Variants in MED27 observed in about 807,000 individuals in gnomAD.
MED27 encodes mediator of RNA polymerase II transcription subunit 27.
Under a neutral mutation model 38.2 loss-of-function variants are expected in MED27, and 30 were observed. The observed-to-expected ratio is 0.79, with a 90% CI of 0.59 to 1.07. The LOEUF (loss-of-function observed/expected upper bound fraction) is 1.07, where lower values mean the gene tolerates loss of function less well. MED27 is among the 50% of genes least tolerant of loss of function. The pLI is 0.00. For synonymous variants in MED27, 122 were observed against 153.5 expected (o/e 0.79, Z 1.52); for missense variants, 289 against 397.5 (o/e 0.73, Z 2.32).
intron 2 of MED27, among the ~76,000 whole-genome samples, chr9:132,059,466 A>G (rs937524631): frequency 8.5e-5 from 13 of 152,374 alleles, no homozygotes; most frequent in Admixed American, 8.5e-4. Context: ...TTCTCCTAAG[A>G]CCAACCTGCC....
chr9:132,024,970 A>C (rs1239155211), intron 2 of MED27, among the ~76,000 whole-genome samples: 1 of 152,078 alleles, frequency 6.6e-6, no homozygotes, highest in East Asian at 1.9e-4. Flanking sequence ...ACAGCACTCT[A>C]TTTCTGTCGG....
Position 131,860,579 on chromosome 9 carries a change from A to T in MED27, c.895T>A (p.Phe299Ile). 1 of 1,593,310 alleles carries T rather than the reference A, an allele frequency of 6.3e-7. No individual in the cohort carries two copies. Among genetic ancestry groups the T allele is most frequent in the Non-Finnish European group, 8.5e-7 (1 of 1,169,968 alleles). ...QDGLPPTWRD[F>I]RTLEAFHDTC... ...TCATGGAAGGCTTCGAGGGTTCGGA[A>T]ATCCCTCCATGTCGGGGGAAGGCCG... is the stretch of plus-strand genomic sequence containing the variant. The change falls in exon 8 of 8, where the codon TTC (phenylalanine) becomes ATC (isoleucine). Residue 299 changes from phenylalanine to isoleucine, a missense_variant. Physicochemically the swap from Phe to Ile is conservative, Grantham distance 21 (BLOSUM62 0). Transcript: ENST00000292035. The surrounding 1 kb of genome is among the most constrained non-coding windows in gnomAD (Gnocchi z 5.8).
At chr9:131,877,352 G>A (rs1838954697) in intron 6 of MED27, among the ~76,000 whole-genome samples, 1 of 152,136 alleles carries the variant, frequency 6.6e-6, no homozygotes, top group African/African-American at 2.4e-5. Context: ...GATCATTTGA[G>A]GTCAGGAGTT....
At chr9:132,047,907 T>C (rs1192331594) in intron 2 of MED27, among the ~76,000 whole-genome samples, 1 of 151,498 alleles carries the variant, frequency 6.6e-6, no homozygotes, top group Non-Finnish European at 1.5e-5. Flanking sequence ...TAGAAGGAGG[T>C]ATAAAAATGC....
intron 3 of MED27, among the ~76,000 whole-genome samples, chr9:131,991,984 G>T (rs1456300344): frequency 6.6e-6 from 1 of 152,138 alleles, no homozygotes; most frequent in Non-Finnish European, 1.5e-5. Context: ...GCCTCCCAAA[G>T]TGCTGGGATT....
At chr9:132,052,757 G>A (rs1312668830) in intron 2 of MED27, among the ~76,000 whole-genome samples, 1 of 150,528 alleles carries the variant, frequency 6.6e-6, no homozygotes, top group Non-Finnish European at 1.5e-5. Flanking sequence ...TAACAAGTGA[G>A]AGCATGCAGT....
At chr9:131,941,220 T>C (rs776222683) in intron 3 of MED27, among the ~76,000 whole-genome samples, 8 of 152,216 alleles carry the variant, frequency 5.3e-5, no homozygotes, top group Non-Finnish European at 1.2e-4. Flanking sequence ...GGATTTTACA[T>C]TGGATTTCAT....
chr9:131,979,067 CACAAGCTTGT>C (rs1831675347), intron 3 of MED27, among the ~76,000 whole-genome samples: 1 of 152,158 alleles, frequency 6.6e-6, no homozygotes, highest in South Asian at 2.1e-4. Flanking sequence ...CAATTTGGTG[CACAAGCTTGT>C]ACAGGCAAGT....
intron 2 of MED27, among the ~76,000 whole-genome samples, chr9:132,050,633 C>T (rs1833444552): frequency 6.6e-6 from 1 of 152,220 alleles, no homozygotes; most frequent in Admixed American, 6.5e-5. Context: ...CAGCAGAGTG[C>T]CTTCCAAAGA....
At chr9:131,994,144 G>A (rs1832039252) in intron 3 of MED27, among the ~76,000 whole-genome samples, 1 of 152,190 alleles carries the variant, frequency 6.6e-6, no homozygotes, top group African/African-American at 2.4e-5. Flanking sequence ...ATGTTTTGCT[G>A]TAGGAACTTA....
chr9:131,884,606 T>C (rs899624726), intron 5 of MED27, among the ~76,000 whole-genome samples: 1 of 69,292 alleles, frequency 1.4e-5, no homozygotes. Context: ...TTCTCTTTAC[T>C]TTTTTTTTTT....
chr9:131,988,242 A>G (rs1201594899), intron 3 of MED27, among the ~76,000 whole-genome samples: 1 of 152,234 alleles, frequency 6.6e-6, no homozygotes, highest in East Asian at 1.9e-4. Flanking sequence ...ATGCTTGTCT[A>G]CAAAGGAATA....
chr9:131,878,772 C>T (rs964798933), intron 6 of MED27, among the ~76,000 whole-genome samples: 2 of 152,168 alleles, frequency 1.3e-5, no homozygotes, highest in South Asian at 2.1e-4. Flanking sequence ...AATATGAACA[C>T]GCTTGAAACC....
intron 3 of MED27, among the ~76,000 whole-genome samples, chr9:131,973,553 G>C (rs1272223459): frequency 1.3e-5 from 2 of 151,330 alleles, no homozygotes; most frequent in African/African-American, 2.4e-5. Flanking sequence ...CGCCTCCTGG[G>C]TTCAAGCGAT....
chr9:131,881,800 C>CTTTTTTT (rs61624043), intron 6 of MED27, among the ~76,000 whole-genome samples: 13,801 of 60,666 alleles, frequency 0.23, 3,109 homozygotes, highest in Non-Finnish European at 0.3. Flanking sequence ...TCTTCTTCTT[C>CTTTTTTT]TTTTTTTTTT....
chr9:131,892,436 T>C (rs187813719), intron 5 of MED27, among the ~76,000 whole-genome samples: 1 of 152,312 alleles, frequency 6.6e-6, no homozygotes, highest in Non-Finnish European at 1.5e-5. Context: ...AGTAGGTAAA[T>C]TTCCACTCCT....
At chr9:131,941,276 G>A (rs1326932787) in intron 3 of MED27, among the ~76,000 whole-genome samples, 3 of 152,146 alleles carry the variant, frequency 2.0e-5, no homozygotes, top group Non-Finnish European at 4.4e-5. Context: ...TTAAGTCAGG[G>A]ACATATAAAA....
rs34382241 is a variant in MED27, at chr9:132,043,316, T to TA, written c.349-28850dup. On this transcript the variant is annotated intron_variant, in intron 2 of 7. Transcript: ENST00000292035. ...TAAGGCTTCTATTTTTTTTTTTTCT[T>TA]AAAAAAAAAAAAAGGAATAAAGATG... Among the ~76,000 whole-genome samples the TA allele has an allele frequency of 1.1e-3, 151 of 138,522 alleles. 1 individual carries two copies. The highest frequency in any genetic ancestry group is 2.3e-3 in the South Asian group (10 of 4,374). The allele number at this position is 138,522 out of a possible 152,430, so 90.9% of individuals were successfully genotyped here.
At chr9:131,979,434 TCTAA>T (rs978950747) in intron 3 of MED27, among the ~76,000 whole-genome samples, 3 of 151,756 alleles carry the variant, frequency 2.0e-5, no homozygotes, top group Non-Finnish European at 4.4e-5. Context: ...ATTTTGTTTT[TCTAA>T]CTAAGTCACA....
Sources: gnomAD v4.1 joint callset for allele counts (sites outside exome capture counted in the v4.1 genomes callset) on GRCh38, gnomAD v4.1.1 for gene constraint, Gnocchi (gnomAD v3.1) non-coding constraint, MANE v1.5 for transcripts, NCBI Gene and HGNC (gene_info 2026-07-23, HGNC 2026-07-21) for gene names.